The following PLXNA4 variants were observed in gnomAD, a reference collection of about 807,000 sequenced individuals.
PLXNA4 encodes the protein plexin-A4.
PLXNA4 carries 44 observed loss-of-function variants against 191.8 expected under a neutral mutation model. The ratio of observed to expected loss-of-function variants is 0.23; its 90% CI spans 0.18 to 0.29. The LOEUF (loss-of-function observed/expected upper bound fraction) is 0.29, where lower values mean the gene tolerates loss of function less well. Among genes scored for constraint, PLXNA4 ranks in the 10% least tolerant of loss-of-function variants. The pLI is 1.00. For synonymous variants in PLXNA4, 1,082 were observed against 1,009.5 expected (o/e 1.07, Z -1.36); for missense variants, 1,800 against 2,488.8 (o/e 0.72, Z 5.89).
intron 3 of PLXNA4, among the ~76,000 whole-genome samples, chr7:132,452,932 C>G (rs560170678): frequency 3.3e-5 from 5 of 152,080 alleles, no homozygotes; most frequent in Non-Finnish European, 7.4e-5. Flanking sequence ...GGGGTAGAGG[C>G]GGGAACCTGG....
At chr7:132,421,002 G>A (rs977136605) in intron 3 of PLXNA4, among the ~76,000 whole-genome samples, 1 of 152,212 alleles carries the variant, frequency 6.6e-6, no homozygotes, top group African/African-American at 2.4e-5. Context: ...TTTATCAGCA[G>A]TGTGAAAATG....
intron 1 of PLXNA4, among the ~76,000 whole-genome samples, chr7:132,520,173 A>G (rs1799115941): frequency 6.6e-6 from 1 of 152,208 alleles, no homozygotes; most frequent in Non-Finnish European, 1.5e-5. Flanking sequence ...TAGCTGCCTG[A>G]ATCTAGATTG....
At chr7:132,457,814 C>T (rs1419426849) in intron 3 of PLXNA4, among the ~76,000 whole-genome samples, 2 of 152,124 alleles carry the variant, frequency 1.3e-5, no homozygotes, top group Non-Finnish European at 2.9e-5. Context: ...GATGCTATGC[C>T]GTTGGCTTTG....
chr7:132,519,405 G>A (rs1230335737), intron 1 of PLXNA4, among the ~76,000 whole-genome samples: 4 of 152,206 alleles, frequency 2.6e-5, no homozygotes, highest in Non-Finnish European at 5.9e-5. Flanking sequence ...TGTAGCAAAG[G>A]GAGACTTGCT....
chr7:132,610,358 G>A (rs1803021543), intron 2 of PLXNA4, among the ~76,000 whole-genome samples: 1 of 152,216 alleles, frequency 6.6e-6, no homozygotes, highest in Admixed American at 6.5e-5. Flanking sequence ...GCTATGCTGT[G>A]TGCAAAGGGA....
chr7:132,228,289 T>G (rs1798400323), intron 6 of PLXNA4, 57 bp downstream of exon 6: 29 of 1,606,756 alleles, frequency 1.8e-5, no homozygotes, highest in Non-Finnish European at 2.5e-5. Context: ...CACTTTTTAG[T>G]GAGGGGAGAG....
intron 1 of PLXNA4, among the ~76,000 whole-genome samples, chr7:132,543,977 C>T (rs75337813): frequency 0.045 from 6,874 of 152,244 alleles, 464 homozygotes; most frequent in East Asian, 0.23. Flanking sequence ...GAGTGAGGCA[C>T]ACCAACTAGA....
At chr7:132,478,846 C>T (rs996000651) in intron 3 of PLXNA4, among the ~76,000 whole-genome samples, 2 of 152,154 alleles carry the variant, frequency 1.3e-5, no homozygotes, top group Non-Finnish European at 2.9e-5. Flanking sequence ...CCAGAATACT[C>T]ATATCTTGGT....
chr7:132,436,287 G>A (rs1009562199), intron 3 of PLXNA4, among the ~76,000 whole-genome samples: 29 of 152,344 alleles, frequency 1.9e-4, no homozygotes, highest in Middle Eastern at 3.4e-3. Flanking sequence ...AAGGGAGTCC[G>A]TCTATGGGGA....
At chr7:132,619,887 G>A (rs540195323) in intron 2 of PLXNA4, among the ~76,000 whole-genome samples, 94 of 152,266 alleles carry the variant, frequency 6.2e-4, no homozygotes, top group Middle Eastern at 6.8e-3. Flanking sequence ...TGCAAACTCC[G>A]CCTCCCGGGT....
intron 3 of PLXNA4, among the ~76,000 whole-genome samples, chr7:132,396,581 C>A (rs1348163024): frequency 6.6e-6 from 1 of 152,196 alleles, no homozygotes; most frequent in African/African-American, 2.4e-5. Context: ...ACCTCCGCCT[C>A]CCAGGTTCAA....
chr7:132,325,803 G>C (rs142310782), intron 3 of PLXNA4, among the ~76,000 whole-genome samples: 10 of 152,300 alleles, frequency 6.6e-5, no homozygotes, highest in African/African-American at 2.4e-4. Flanking sequence ...CTAGGAAACT[G>C]ACACACGTAA....
chr7:132,340,522 G>C (rs1397491246), intron 3 of PLXNA4, among the ~76,000 whole-genome samples: 2 of 152,222 alleles, frequency 1.3e-5, no homozygotes, highest in Non-Finnish European at 2.9e-5. Flanking sequence ...AGAGTGAGCT[G>C]TGAATTTAGT....
chr7:132,367,976 T>G (rs541958748), intron 3 of PLXNA4: 1 of 152,276 alleles, frequency 6.6e-6, no homozygotes, highest in East Asian at 1.9e-4. Context: ...CCCTCTCTCT[T>G]CCAACTGTGA....
intron 4 of PLXNA4, among the ~76,000 whole-genome samples, chr7:132,286,806 C>A (rs757315211): frequency 2.6e-5 from 4 of 152,182 alleles, no homozygotes; most frequent in East Asian, 1.9e-4. Flanking sequence ...AATCCAGAGA[C>A]AACATAGCTC....
chr7:132,430,447 G>A (rs768315883), intron 3 of PLXNA4, among the ~76,000 whole-genome samples: 22 of 152,096 alleles, frequency 1.4e-4, no homozygotes, highest in Non-Finnish European at 2.5e-4. Flanking sequence ...AGAGAGGAGG[G>A]AGAATTAGGT....
At position 132,540,734 on chromosome 7, in the gene PLXNA4, C is replaced by T. The variant is rs527280167; in HGVS notation, c.-86-31955G>A. ...TCCCGAGTAGCTGGGACTACAGGCG[C>T]CCGCCACCGCGCCCGGCTAATTTTT... On this transcript the variant is annotated intron_variant, in intron 1 of 31. Coordinates refer to ENST00000321063, the MANE Select transcript of PLXNA4 (RefSeq NM_020911.2). 5.0e-3 allele frequency among the ~76,000 whole-genome samples: 755 copies of T among 150,946 alleles called. 7 individuals carry two copies. The highest frequency in any genetic ancestry group is 0.017 in the African/African-American group (679 of 41,140).
chr7:132,272,047 T>G (rs76588747), intron 4 of PLXNA4, among the ~76,000 whole-genome samples: 5,063 of 152,260 alleles, frequency 0.033, 98 homozygotes, highest in African/African-American at 0.041. Context: ...AAGACACTTG[T>G]TACCAGGAGG....
At chr7:132,567,988 T>G (rs1242953792) in intron 1 of PLXNA4, among the ~76,000 whole-genome samples, 1 of 152,098 alleles carries the variant, frequency 6.6e-6, no homozygotes, top group Non-Finnish European at 1.5e-5. Flanking sequence ...GGTCAGTATC[T>G]AATGGACAAG....
Sources: gnomAD v4.1 joint callset for allele counts (sites outside exome capture counted in the v4.1 genomes callset) on GRCh38, gnomAD v4.1.1 for gene constraint, MANE v1.5 for transcripts, NCBI Gene and HGNC (gene_info 2026-07-23, HGNC 2026-07-21) for gene names.